Variants in CCDC102B observed in about 807,000 individuals in gnomAD.
CCDC102B encodes coiled-coil domain-containing protein 102B.
A neutral mutation model predicts 57.4 loss-of-function variants in CCDC102B; 75 were observed. That is an observed-to-expected ratio of 1.31 (90% CI 1.08 to 1.58). CCDC102B has a LOEUF of 1.58. CCDC102B is among the 40% of genes most tolerant of loss of function. The pLI is 0.00. For missense variants in CCDC102B, 636 were observed against 582.6 expected, an observed-to-expected ratio of 1.09 and a Z score of -0.94; for synonymous variants, 206 against 201.9, an observed-to-expected ratio of 1.02 and a Z score of -0.17.
chr18:68,740,062 A>G (rs895531434), intron 2 of CCDC102B, among the ~76,000 whole-genome samples: 8 of 152,228 alleles, frequency 5.3e-5, no homozygotes, highest in African/African-American at 1.9e-4. Context: ...CCTCAGTACT[A>G]TGGACATTCT....
At chr18:68,765,320 GGAAGGAAA>G (rs1412589165) in intron 2 of CCDC102B, among the ~76,000 whole-genome samples, 1,472 of 40,252 alleles carry the variant, frequency 0.037, 11 homozygotes, top group Non-Finnish European at 0.058. Context: ...AAGGAAGGAA[GGAAGGAAA>G]GAAAGAAAGA....
chr18:69,017,376 C>G (rs142060333), intron 7 of CCDC102B, among the ~76,000 whole-genome samples: 1 of 151,994 alleles, frequency 6.6e-6, no homozygotes, highest in Non-Finnish European at 1.5e-5. Context: ...CCACCAGCCT[C>G]GAGCTTCCCA....
intron 6 of CCDC102B, among the ~76,000 whole-genome samples, chr18:69,005,370 G>C (rs748611595): frequency 3.3e-5 from 5 of 152,174 alleles, no homozygotes; most frequent in Non-Finnish European, 7.4e-5. Context: ...ATATACTACA[G>C]ATCAGTATAT....
At chr18:68,868,358 G>A (rs2039094768) in intron 4 of CCDC102B, among the ~76,000 whole-genome samples, 1 of 151,974 alleles carries the variant, frequency 6.6e-6, no homozygotes, top group South Asian at 2.1e-4. Context: ...ATAATTCACT[G>A]TATTTTCTAC....
At chr18:68,874,972 C>A in intron 5 of CCDC102B, 187 bp downstream of exon 5, 1 of 419,140 alleles carries the variant, frequency 2.4e-6, no homozygotes, top group Non-Finnish European at 4.3e-6. Flanking sequence ...ATAACTAGAT[C>A]TGAACTATTT....
chr18:68,828,100 G>A (rs919158932), intron 1 of CCDC102B, among the ~76,000 whole-genome samples: 9 of 151,632 alleles, frequency 5.9e-5, no homozygotes, highest in Non-Finnish European at 1.2e-4. Flanking sequence ...GGGCTGAAAA[G>A]AGAAACAGAC....
At chr18:69,055,850 C>T (rs746313186), downstream of CCDC102B, among the ~76,000 whole-genome samples, 4 of 151,948 alleles carry the variant, frequency 2.6e-5, no homozygotes, top group Non-Finnish European at 5.9e-5. Context: ...GTTGCTCATC[C>T]GACAATCTCA....
chr18:68,790,793 G>A (rs572517122), intron 2 of CCDC102B, among the ~76,000 whole-genome samples: 25 of 152,280 alleles, frequency 1.6e-4, no homozygotes, highest in African/African-American at 2.4e-4. Flanking sequence ...CGTCTTCTGC[G>A]TCGCTCACGC....
At chr18:68,881,118 A>G (rs531270213) in intron 5 of CCDC102B, among the ~76,000 whole-genome samples, 1 of 152,380 alleles carries the variant, frequency 6.6e-6, no homozygotes, top group African/African-American at 2.4e-5. Context: ...CAATTATTTT[A>G]TTAACCAATG....
At chr18:68,869,376 A>G (rs930214335) in intron 4 of CCDC102B, among the ~76,000 whole-genome samples, 1 of 152,198 alleles carries the variant, frequency 6.6e-6, no homozygotes, top group Non-Finnish European at 1.5e-5. Flanking sequence ...GAGTCTTTGA[A>G]CAAGGGCATT....
At chr18:68,857,090 A>G (rs1245442724) in intron 4 of CCDC102B, among the ~76,000 whole-genome samples, 1 of 108,548 alleles carries the variant, frequency 9.2e-6, no homozygotes, top group African/African-American at 3.7e-5. Context: ...AAATATATTT[A>G]TATATTTTTA....
intron 6 of CCDC102B, among the ~76,000 whole-genome samples, chr18:68,971,769 A>G (rs961706092): frequency 6.6e-6 from 1 of 152,200 alleles, no homozygotes; most frequent in Non-Finnish European, 1.5e-5. Flanking sequence ...CCCAGTGCTT[A>G]TTAATAACAT....
upstream of CCDC102B, among the ~76,000 whole-genome samples, chr18:68,795,021 C>A: frequency 1.8e-5 from 1 of 56,508 alleles, no homozygotes. Flanking sequence ...TGTAAACTCG[C>A]CAGTAAAAAA....
intron 1 of CCDC102B, among the ~76,000 whole-genome samples, chr18:68,716,011 C>A (rs1034857026): frequency 4.6e-5 from 7 of 152,192 alleles, no homozygotes; most frequent in Non-Finnish European, 8.8e-5. Context: ...AAATTGCACT[C>A]TAATTGAGAG....
At chr18:69,056,518 A>C (rs562966682), downstream of CCDC102B, among the ~76,000 whole-genome samples, 1 of 151,642 alleles carries the variant, frequency 6.6e-6, no homozygotes, top group Non-Finnish European at 1.5e-5. Flanking sequence ...CTTGTCTCCT[A>C]CTCATCCTTT....
intron 1 of CCDC102B, among the ~76,000 whole-genome samples, chr18:68,800,661 T>C (rs2035813485): frequency 2.0e-5 from 3 of 151,470 alleles, no homozygotes; most frequent in Admixed American, 2.0e-4. Flanking sequence ...GGGGATGTAC[T>C]GACTTTCCTC....
chr18:68,783,186 G>T (rs945724301), intron 2 of CCDC102B, among the ~76,000 whole-genome samples: 1 of 152,220 alleles, frequency 6.6e-6, no homozygotes, highest in Non-Finnish European at 1.5e-5. Context: ...ATTGTGATAT[G>T]TGGGTGGAGA....
chr18:68,737,226 G>T (rs1209614908), intron 2 of CCDC102B, among the ~76,000 whole-genome samples: 1 of 152,050 alleles, frequency 6.6e-6, no homozygotes, highest in Non-Finnish European at 1.5e-5. Flanking sequence ...AAGTATTCTT[G>T]ACAGTCCCTG....
At chr18:68,715,850 TA>T (rs1420697752) in intron 1 of CCDC102B, among the ~76,000 whole-genome samples, 7 of 152,180 alleles carry the variant, frequency 4.6e-5, no homozygotes, top group Non-Finnish European at 7.3e-5. Flanking sequence ...TTATGGGACA[TA>T]AGGTACCAGA....
Sources: gnomAD v4.1 joint callset for allele counts (sites outside exome capture counted in the v4.1 genomes callset) on GRCh38, gnomAD v4.1.1 for gene constraint, MANE v1.5 for transcripts, NCBI Gene and HGNC (gene_info 2026-07-23, HGNC 2026-07-21) for gene names.